CCDC88A: variants seen among roughly 807,000 people sequenced by gnomAD.
CCDC88A encodes the protein coiled-coil and HOOK domain protein 88A.
In CCDC88A, 54 loss-of-function variants were observed where a neutral mutation model predicts 234.3. The ratio of observed to expected loss-of-function variants is 0.23; its 90% CI spans 0.19 to 0.29. CCDC88A has a LOEUF of 0.29. CCDC88A is among the 10% of genes least tolerant of loss of function. CCDC88A has a pLI of 1.00. For missense variants in CCDC88A, 1,832 were observed against 2,123.4 expected (o/e 0.86, Z 2.70); for synonymous variants, 753 against 737.8 (o/e 1.02, Z -0.33).
In CCDC88A at chr2:55,369,449, CTTT is replaced by C. The variant is rs10587591; in HGVS notation, c.402+3000_402+3002del. Among the ~76,000 whole-genome samples the C allele has an allele frequency of 5.7e-3, 721 of 125,400 alleles. 7 individuals are homozygous for C. Among genetic ancestry groups the C allele is most frequent in the African/African-American group, 0.018 (576 of 32,012 alleles). 82.3% of individuals were successfully genotyped at this position (125,400 alleles called of 152,430 possible). ...CCATGAATCCTACGTTTCAACCACA[CTTT>C]TTTTTTTTTTTTTTTTTGAGATGAA... On this transcript the variant is annotated intron_variant, in intron 5 of 32. Transcript: ENST00000436346.
At position 55,418,914 on chromosome 2, in the gene CCDC88A, A is replaced by C; in HGVS notation, c.66T>G (p.Val22=). 6.2e-7 allele frequency: 1 copy of C among 1,613,554 alleles called. No homozygotes were observed. Among genetic ancestry groups the C allele is most frequent in the South Asian group, 1.1e-5 (1 of 91,060 alleles). ...CTGCGGCCAGAGGTCCAAACGTTTTAACCTAGAACAAACAGAAGGATCACC... is the reference window on the plus strand; with the variant it reads ...CTGCGGCCAGAGGTCCAAACGTTTTCACCTAGAACAAACAGAAGGATCACC... ...QFMTSPLVTW[V]KTFGPLAAGN... The change falls in exon 2 of 33, where the codon GTT becomes GTG. Residue 22 remains valine, a splice_region_variant and synonymous_variant. Coordinates refer to ENST00000436346, the MANE Select transcript of CCDC88A (RefSeq NM_001365480.1).
At chr2:55,400,715 T>C (rs1460117189) in intron 2 of CCDC88A, among the ~76,000 whole-genome samples, 1 of 152,214 alleles carries the variant, frequency 6.6e-6, no homozygotes, top group African/African-American at 2.4e-5. Flanking sequence ...AACAGAAATC[T>C]GATAGCTTTA....
intron 12 of CCDC88A, 28 bp from the exon 13 acceptor site, chr2:55,339,676 A>G (rs1558698504): frequency 6.4e-7 from 1 of 1,570,428 alleles, no homozygotes; most frequent in Non-Finnish European, 8.6e-7. Flanking sequence ...ACACCATTGT[A>G]TTTACTCTTT....
In CCDC88A at chr2:55,328,772, TG is replaced by T. The variant is rs1684567162; in HGVS notation, c.2856-338del. 1 of 165,104 alleles carries T rather than the reference TG, an allele frequency of 6.1e-6. No homozygotes were observed. Among genetic ancestry groups the T allele is most frequent in the African/African-American group, 2.4e-5 (1 of 41,618 alleles). The allele number at this position is 165,104 out of a possible 1,614,324, so 10.2% of individuals were successfully genotyped here. On this transcript the variant is annotated intron_variant, in intron 16 of 32. Coordinates refer to ENST00000436346, the MANE Select transcript of CCDC88A (RefSeq NM_001365480.1). The surrounding 1 kb of genome is among the most constrained non-coding windows in gnomAD (Gnocchi z 4.3). Reference sequence around the variant, plus strand: ...TGTTTTGTTTTGTTTTGTTTTGTTTTGTTTTGTTTTGTTTTGAGATGGAGTT... The same window carrying T: ...TGTTTTGTTTTGTTTTGTTTTGTTTTTTTTGTTTTGTTTTGAGATGGAGTT...
intron 9 of CCDC88A, among the ~76,000 whole-genome samples, chr2:55,347,814 G>GT (rs1477725049): frequency 1.3e-5 from 2 of 151,870 alleles, no homozygotes; most frequent in African/African-American, 4.8e-5. Context: ...GTTTCGCCAT[G>GT]TTGCCCAGGC....
At chr2:55,333,355 T>C (rs969435831) in intron 15 of CCDC88A, among the ~76,000 whole-genome samples, 7 of 152,186 alleles carry the variant, frequency 4.6e-5, no homozygotes, top group Non-Finnish European at 1.0e-4. Context: ...ATCAACCATG[T>C]TTCACAGGAC....
At chr2:55,398,040 A>G (rs547508587) in intron 2 of CCDC88A, among the ~76,000 whole-genome samples, 1 of 152,314 alleles carries the variant, frequency 6.6e-6, no homozygotes, top group African/African-American at 2.4e-5. Flanking sequence ...TAAATATTTG[A>G]GAGAAAAGTA....
At chr2:55,360,279 C>A (rs1360062301) in intron 7 of CCDC88A, among the ~76,000 whole-genome samples, 1 of 152,076 alleles carries the variant, frequency 6.6e-6, no homozygotes, top group African/African-American at 2.4e-5. Context: ...ACAATTATAA[C>A]AAAAGCTAAT....
At chr2:55,397,770 A>T (rs1165100095) in intron 2 of CCDC88A, among the ~76,000 whole-genome samples, 2 of 152,170 alleles carry the variant, frequency 1.3e-5, no homozygotes, top group African/African-American at 4.8e-5. Flanking sequence ...TTCAGTTGTC[A>T]GGAAATTCTA....
chr2:55,311,023 T>C (rs1402061082), intron 23 of CCDC88A, among the ~76,000 whole-genome samples: 2 of 152,174 alleles, frequency 1.3e-5, no homozygotes, highest in Non-Finnish European at 2.9e-5. Flanking sequence ...ATCATAATCT[T>C]TGGAAGTCAA....
chr2:55,355,843 C>T (rs1183629220), intron 7 of CCDC88A, 92 bp from the exon 8 acceptor site: 1 of 937,818 alleles, frequency 1.1e-6, no homozygotes, highest in Non-Finnish European at 1.6e-6. Flanking sequence ...ATTGTACTGC[C>T]ATATCAAAAA....
chr2:55,294,859 A>G (rs1679834492), intron 31 of CCDC88A: 1 of 1,055,248 alleles, frequency 9.5e-7, no homozygotes, highest in Middle Eastern at 4.7e-4. Context: ...TGGACAAAGT[A>G]ATTAATATTT....
intron 2 of CCDC88A, among the ~76,000 whole-genome samples, chr2:55,398,968 T>A (rs1678104826): frequency 6.6e-6 from 1 of 152,114 alleles, no homozygotes; most frequent in Non-Finnish European, 1.5e-5. Flanking sequence ...TCAAGAGAAT[T>A]AGTAGCTTCG....
intron 25 of CCDC88A, among the ~76,000 whole-genome samples, chr2:55,305,047 T>A (rs997667641): frequency 6.6e-6 from 1 of 152,186 alleles, no homozygotes; most frequent in African/African-American, 2.4e-5. Flanking sequence ...CTATTTCTTT[T>A]CAAGCTTAGT....
chr2:55,417,191 A>T (rs1681633816), intron 2 of CCDC88A: 1 of 152,108 alleles, frequency 6.6e-6, no homozygotes, highest in Non-Finnish European at 1.5e-5. Context: ...AGGATGCAAA[A>T]AAAAAATCTA....
At chr2:55,322,810 T>C in intron 17 of CCDC88A, 118 bp from the exon 18 acceptor site, 1 of 484,394 alleles carries the variant, frequency 2.1e-6, no homozygotes, top group South Asian at 5.7e-5. Flanking sequence ...TACTTTTAAA[T>C]GTGATGAATA....
intron 3 of CCDC88A, among the ~76,000 whole-genome samples, chr2:55,381,363 C>T (rs1674563719): frequency 6.6e-6 from 1 of 151,850 alleles, no homozygotes; most frequent in Non-Finnish European, 1.5e-5. Flanking sequence ...AACGAGGCAA[C>T]ATGGCAAAAC....
intron 22 of CCDC88A, chr2:55,313,543 T>C (rs1185741611): frequency 6.6e-6 from 1 of 152,186 alleles, no homozygotes; most frequent in Non-Finnish European, 1.5e-5. Context: ...AAATATGCCT[T>C]AGCTAGGCCA....
intron 2 of CCDC88A, among the ~76,000 whole-genome samples, chr2:55,413,806 G>T (rs749340632): frequency 2.0e-5 from 3 of 151,966 alleles, no homozygotes; most frequent in Admixed American, 6.6e-5. Flanking sequence ...ACAAAAATTA[G>T]TCAAGCATGG....
Sources: gnomAD v4.1 joint callset for allele counts (sites outside exome capture counted in the v4.1 genomes callset) on GRCh38, gnomAD v4.1.1 for gene constraint, Gnocchi (gnomAD v3.1) non-coding constraint, MANE v1.5 for transcripts, NCBI Gene and HGNC (gene_info 2026-07-23, HGNC 2026-07-21) for gene names.